The following RP1 variants were observed in gnomAD, a reference collection of about 807,000 sequenced individuals.
RP1 encodes the protein oxygen-regulated protein 1.
Under a neutral mutation model 14.8 loss-of-function variants are expected in RP1, and 16 were observed. The observed-to-expected ratio is 1.08, with a 90% CI of 0.73 to 1.65. The LOEUF (loss-of-function observed/expected upper bound fraction) is 1.65, where lower values mean the gene tolerates loss of function less well. Ranked by LOEUF, RP1 falls within the 40% of genes most tolerant of loss-of-function variation. The pLI, the probability that RP1 is intolerant of heterozygous loss-of-function variation, is 0.00. For missense variants in RP1, 2,631 were observed against 2,535.0 expected, an observed-to-expected ratio of 1.04 and a Z score of -0.81; for synonymous variants, 876 against 883.6, an observed-to-expected ratio of 0.99 and a Z score of 0.15.
chr8:54,654,704 G>T (rs1224570433), intron 5 of RP1, among the ~76,000 whole-genome samples: 1 of 152,192 alleles, frequency 6.6e-6, no homozygotes, highest in Non-Finnish European at 1.5e-5. Context: ...CTGGAGACCA[G>T]TAGCACGATC....
At chr8:54,604,286 T>A (rs529404010) in intron 1 of RP1, among the ~76,000 whole-genome samples, 1 of 152,346 alleles carries the variant, frequency 6.6e-6, no homozygotes, top group East Asian at 1.9e-4. Context: ...TCTGCATCTA[T>A]TGAGATAATC....
intron 8 of RP1, among the ~76,000 whole-genome samples, chr8:54,675,947 A>C (rs1464904491): frequency 6.6e-6 from 1 of 152,088 alleles, no homozygotes; most frequent in Non-Finnish European, 1.5e-5. Context: ...AAGTGCTGGC[A>C]TTTGTTGTCT....
chr8:54,652,655 G>A (rs1192030778), intron 4 of RP1: 3 of 667,250 alleles, frequency 4.5e-6, no homozygotes, highest in Non-Finnish European at 7.9e-6. Context: ...GTGTGCACAT[G>A]TTTATAATTC....
chr8:54,564,587 G>A (rs1210427526), intron 1 of RP1, among the ~76,000 whole-genome samples: 4 of 152,178 alleles, frequency 2.6e-5, no homozygotes, highest in South Asian at 2.1e-4. Context: ...TCATAGAAGC[G>A]GTGGACTCTG....
rs1329556100 is a variant in RP1, at chr8:54,629,817, A to C, written c.5935A>C (p.Asn1979His). Residue 1979 changes from asparagine to histidine, a missense_variant, in exon 4 of 4, where the codon AAT becomes CAT. Coordinates refer to ENST00000220676, the MANE Select transcript of RP1 (RefSeq NM_006269.2). ...GAACAATAAAGCAAGTATGAGACAA[A>C]ATCTTATTGATAATGCCATTGGTGA... ...EENNKASMRQNLIDNAIGDIF... is the reference protein window; with the variant it reads ...EENNKASMRQHLIDNAIGDIF... The C allele has an allele frequency of 6.2e-7, 1 of 1,612,694 alleles. No homozygotes were observed. Among genetic ancestry groups the C allele is most frequent in the Non-Finnish European group, 8.5e-7 (1 of 1,179,540 alleles).
chr8:54,772,321 AAAC>A (rs1809929191), downstream of RP1, among the ~76,000 whole-genome samples: 1 of 152,044 alleles, frequency 6.6e-6, no homozygotes, highest in African/African-American at 2.4e-5. Context: ...GCCACATAAT[AAAC>A]CCCCTCACTA....
At chr8:54,661,349 C>T (rs1385651169) in intron 6 of RP1, among the ~76,000 whole-genome samples, 5 of 127,664 alleles carry the variant, frequency 3.9e-5, no homozygotes, top group Non-Finnish European at 8.6e-5. Flanking sequence ...CATGGTAGCA[C>T]ATGCCTGTAG....
At chr8:54,824,473 A>C (rs1039701032) in intron 24 of RP1, among the ~76,000 whole-genome samples, 4 of 152,072 alleles carry the variant, frequency 2.6e-5, no homozygotes, top group African/African-American at 7.2e-5. Flanking sequence ...TTCATTAGAG[A>C]ATCCTACCAA....
chr8:54,735,718 C>T (rs533339218), intron 18 of RP1, among the ~76,000 whole-genome samples: 1 of 152,276 alleles, frequency 6.6e-6, no homozygotes, highest in South Asian at 2.1e-4. Flanking sequence ...GCACAGGCAG[C>T]CATACCTTAT....
At chr8:54,824,078 CTT>C (rs1216334628) in intron 24 of RP1, among the ~76,000 whole-genome samples, 2 of 151,894 alleles carry the variant, frequency 1.3e-5, no homozygotes, top group South Asian at 4.1e-4. Flanking sequence ...CATACATCCT[CTT>C]TGGTAAAATA....
chr8:54,612,117 G>A (rs1805612722), upstream of RP1, among the ~76,000 whole-genome samples: 1 of 152,106 alleles, frequency 6.6e-6, no homozygotes, highest in Non-Finnish European at 1.5e-5. Context: ...TCCTAAAATG[G>A]GGTAGATGAT....
Position 54,745,678 on chromosome 8 carries a change from C to CT in RP1, c.2808+6662dup, listed in dbSNP as rs748345015. On this transcript the variant is annotated intron_variant, in intron 19 of 22. Transcript: ENST00000636932. The stretch of plus-strand genomic sequence containing the variant: ...ATAAAGGCACTGCTGTTTCTTTTTC[C>CT]TTTTTTTTTTTTTCCAAGCACTGTG... Among the ~76,000 whole-genome samples, 665 of 140,832 alleles carry CT rather than the reference C, an allele frequency of 4.7e-3. 1 individual carries two copies. The highest frequency in any genetic ancestry group is 0.012 in the East Asian group (60 of 4,872). 92.4% of individuals were successfully genotyped at this position (140,832 alleles called of 152,430 possible).
At chr8:54,636,652 C>G (rs977240825) in intron 3 of RP1, among the ~76,000 whole-genome samples, 1 of 152,126 alleles carries the variant, frequency 6.6e-6, no homozygotes, top group Admixed American at 6.6e-5. Context: ...GCAGGAGAGT[C>G]TCTTGAACCC....
chr8:54,615,559 A>G (rs1481223393), upstream of RP1, among the ~76,000 whole-genome samples: 1 of 152,220 alleles, frequency 6.6e-6, no homozygotes, highest in Non-Finnish European at 1.5e-5. Flanking sequence ...ATGCAGAAGC[A>G]TAAAATCATA....
exon 21 of RP1, chr8:54,755,687 C>G: frequency 1.3e-6 from 2 of 1,535,950 alleles, no homozygotes; most frequent in Non-Finnish European, 1.7e-6. Context: ...TGAGGTTTTC[C>G]TCTGTCTCTT....
chr8:54,845,051 C>T (rs1311520802), intron 25 of RP1, among the ~76,000 whole-genome samples: 9 of 152,292 alleles, frequency 5.9e-5, no homozygotes, highest in Middle Eastern at 3.4e-3. Context: ...GTCTGGGAAG[C>T]GAAATTCTAT....
intron 1 of RP1, among the ~76,000 whole-genome samples, chr8:54,604,365 G>T (rs188651427): frequency 6.6e-6 from 1 of 152,158 alleles, no homozygotes; most frequent in Non-Finnish European, 1.5e-5. Flanking sequence ...TGTTGAACCA[G>T]CCTTGCATCC....
At chr8:54,806,317 G>A (rs981894526) in intron 24 of RP1, among the ~76,000 whole-genome samples, 4 of 151,518 alleles carry the variant, frequency 2.6e-5, no homozygotes, top group African/African-American at 7.3e-5. Flanking sequence ...GTGTCTGGCC[G>A]GGTTTTTTTT....
intron 1 of RP1, among the ~76,000 whole-genome samples, chr8:54,605,758 TC>T (rs1271319627): frequency 6.6e-6 from 1 of 152,240 alleles, no homozygotes; most frequent in Non-Finnish European, 1.5e-5. Flanking sequence ...GATAGTTGGC[TC>T]TTCTTGTTGA....
Sources: allele counts gnomAD v4.1 joint callset (sites outside exome capture counted in the v4.1 genomes callset), GRCh38; gene constraint gnomAD v4.1.1; transcripts MANE v1.5; gene names NCBI Gene and HGNC (gene_info 2026-07-23, HGNC 2026-07-21).